Variants in ERC2 observed in about 807,000 individuals in gnomAD.
ERC2 encodes ERC protein 2.
ERC2 carries 42 observed loss-of-function variants against 114.8 expected under a neutral mutation model. That is an observed-to-expected ratio of 0.37 (90% CI 0.29 to 0.47). ERC2 has a LOEUF of 0.47. Ranked by LOEUF, ERC2 falls within the 20% of genes least tolerant of loss-of-function variation. ERC2 has a pLI of 0.99. For missense variants in ERC2, 939 were observed against 1,150.7 expected, an observed-to-expected ratio of 0.82 and a Z score of 2.66; for synonymous variants, 454 against 425.5, an observed-to-expected ratio of 1.07 and a Z score of -0.82.
intron 14 of ERC2, among the ~76,000 whole-genome samples, chr3:55,763,069 G>A (rs1288187619): frequency 6.6e-6 from 1 of 152,188 alleles, no homozygotes; most frequent in Non-Finnish European, 1.5e-5. Context: ...CATTATTGGG[G>A]ACTTGAGGAA....
intron 3 of ERC2, among the ~76,000 whole-genome samples, chr3:56,294,761 T>C (rs2055319513): frequency 6.6e-6 from 1 of 152,328 alleles, no homozygotes; most frequent in East Asian, 1.9e-4. Flanking sequence ...GAGTAGGGAT[T>C]ATTGGAGGCC....
intron 12 of ERC2, among the ~76,000 whole-genome samples, chr3:55,968,479 G>A (rs113218934): frequency 0.015 from 2,268 of 152,228 alleles, 58 homozygotes; most frequent in African/African-American, 0.052. Context: ...AGCTATTTGC[G>A]TAAGAGCCCA....
At chr3:56,190,144 A>AT (rs1252703864) in intron 3 of ERC2, among the ~76,000 whole-genome samples, 1 of 152,158 alleles carries the variant, frequency 6.6e-6, no homozygotes, top group Non-Finnish European at 1.5e-5. Flanking sequence ...GGATGGTAGA[A>AT]TTTTTTTCAC....
chr3:55,984,023 T>A (rs1453711391), intron 12 of ERC2, among the ~76,000 whole-genome samples: 1 of 152,186 alleles, frequency 6.6e-6, no homozygotes, highest in African/African-American at 2.4e-5. Context: ...GCCCAATTCT[T>A]CCTACACTAA....
intron 3 of ERC2, among the ~76,000 whole-genome samples, chr3:56,285,457 TCGTCAAC>T (rs2054633504): frequency 6.6e-6 from 1 of 152,000 alleles, no homozygotes; most frequent in African/African-American, 2.4e-5. Flanking sequence ...CCTTGCCCAA[TCGTCAAC>T]CTTGCTGAGA....
chr3:56,264,906 G>A (rs1272520927), intron 3 of ERC2, among the ~76,000 whole-genome samples: 2 of 150,356 alleles, frequency 1.3e-5, no homozygotes, highest in Non-Finnish European at 3.0e-5. Flanking sequence ...CCAAGGAGGT[G>A]AAAGGTCTGT....
At chr3:55,770,680 T>A (rs1450851700) in intron 14 of ERC2, among the ~76,000 whole-genome samples, 2 of 152,144 alleles carry the variant, frequency 1.3e-5, no homozygotes, top group African/African-American at 4.8e-5. Flanking sequence ...GCAGGTTTGT[T>A]ACATAGGTAC....
intron 2 of ERC2, among the ~76,000 whole-genome samples, chr3:56,409,583 C>A (rs1362183343): frequency 6.7e-6 from 1 of 149,878 alleles, no homozygotes; most frequent in East Asian, 2.0e-4. Context: ...TGATCAGATT[C>A]TCTCAGGAAT....
At chr3:55,793,472 A>G (rs1324680626) in intron 14 of ERC2, among the ~76,000 whole-genome samples, 2 of 152,172 alleles carry the variant, frequency 1.3e-5, no homozygotes, top group African/African-American at 4.8e-5. Context: ...CTGGTTCTGC[A>G]AAGTTTTTAT....
chr3:55,748,448 CTGCTACCACAGCAGAACCCAGAGAT>C (rs1326126926), intron 14 of ERC2, among the ~76,000 whole-genome samples: 15 of 152,178 alleles, frequency 9.9e-5, no homozygotes, highest in Middle Eastern at 3.2e-3. Flanking sequence ...AACTCAGAGA[CTGCTACCACAGCAGAACCCAGAGAT>C]TGCTACCACA....
chr3:56,260,964 CG>C (rs2052881825), intron 3 of ERC2, among the ~76,000 whole-genome samples: 1 of 152,168 alleles, frequency 6.6e-6, no homozygotes, highest in Non-Finnish European at 1.5e-5. Context: ...TTGGTATTCT[CG>C]ACAAATTAAT....
intron 3 of ERC2, among the ~76,000 whole-genome samples, chr3:56,280,853 G>A (rs1412933354): frequency 6.6e-6 from 1 of 152,192 alleles, no homozygotes; most frequent in Non-Finnish European, 1.5e-5. Flanking sequence ...GTTACCCTGA[G>A]GAAGTTACAA....
intron 2 of ERC2, among the ~76,000 whole-genome samples, chr3:56,300,302 C>G (rs377525214): frequency 1.4e-5 from 2 of 142,396 alleles, no homozygotes; most frequent in Non-Finnish European, 1.5e-5. Context: ...AAAAGAAAAA[C>G]AAAAGAAAAA....
chr3:55,871,059 CT>C (rs1481103055), intron 14 of ERC2, among the ~76,000 whole-genome samples: 2 of 152,224 alleles, frequency 1.3e-5, no homozygotes, highest in Non-Finnish European at 2.9e-5. Context: ...AGTGATATCC[CT>C]GGTTACCTAA....
At chr3:56,158,667 C>T (rs1482949161) in intron 4 of ERC2, among the ~76,000 whole-genome samples, 1 of 151,720 alleles carries the variant, frequency 6.6e-6, no homozygotes, top group Non-Finnish European at 1.5e-5. Flanking sequence ...AAGCAGCAAG[C>T]AAAATTCTCA....
intron 13 of ERC2, among the ~76,000 whole-genome samples, chr3:55,949,764 GAATA>G (rs1352015262): frequency 1.3e-5 from 2 of 152,166 alleles, no homozygotes; most frequent in African/African-American, 2.4e-5. Context: ...AGGCACACTG[GAATA>G]AATAAAGAAA....
intron 3 of ERC2, among the ~76,000 whole-genome samples, chr3:56,208,362 A>AGG (rs2048864770): frequency 6.6e-6 from 1 of 152,224 alleles, no homozygotes; most frequent in Admixed American, 6.5e-5. Flanking sequence ...TTTGCTCTCA[A>AGG]TTTAGACAAA....
chr3:55,601,326 T>G (rs1178993920), intron 17 of ERC2, among the ~76,000 whole-genome samples: 3 of 152,216 alleles, frequency 2.0e-5, no homozygotes, highest in African/African-American at 7.2e-5. Flanking sequence ...AAATTCTTCA[T>G]GTCCACAGAA....
rs1002415025 is a variant in ERC2 at position 55,950,518 on chromosome 3, G to A, written c.2310C>T (p.His770=). The A allele has an allele frequency of 2.5e-6, 4 of 1,614,022 alleles. No homozygotes were observed. Among genetic ancestry groups the A allele is most frequent in the South Asian group, 2.2e-5 (2 of 91,082 alleles). The part of the protein sequence containing the change: ...DQNKKVANLK[H]NQQLEKKKNA... ...TTTTCTTCTTTTCCAACTGTTGATT[G>A]TGCTTGAGGTTGGCCACCTTCTTAT... Residue 770 remains histidine (H), a synonymous_variant, in exon 13 of 18, where the codon CAC becomes CAT. Transcript: ENST00000288221.
Sources: allele counts gnomAD v4.1 joint callset (sites outside exome capture counted in the v4.1 genomes callset), GRCh38; gene constraint gnomAD v4.1.1; transcripts MANE v1.5; gene names NCBI Gene and HGNC (gene_info 2026-07-23, HGNC 2026-07-21).